PPP2R2C: variants seen among roughly 807,000 people sequenced by gnomAD.
PPP2R2C encodes protein phosphatase 2 regulatory subunit Bgamma.
Under a neutral mutation model 45.3 loss-of-function variants are expected in PPP2R2C, and 10 were observed. The ratio of observed to expected loss-of-function variants is 0.22; its 90% CI spans 0.14 to 0.37. The LOEUF is 0.37. PPP2R2C is among the 10% of genes least tolerant of loss of function. The probability of loss-of-function intolerance (pLI) is 1.00; values close to 1 mark genes in which losing one functional copy is unlikely to be tolerated. For missense variants in PPP2R2C, 308 were observed against 619.7 expected, an observed-to-expected ratio of 0.50 and a Z score of 5.34; for synonymous variants, 257 against 245.4, an observed-to-expected ratio of 1.05 and a Z score of -0.44.
chr4:6,560,409 G>C (rs1181967018), intron 1 of PPP2R2C, among the ~76,000 whole-genome samples: 2 of 152,246 alleles, frequency 1.3e-5, no homozygotes, highest in Admixed American at 6.5e-5. Context: ...TGGTGGGGTA[G>C]AGTGACCAAG....
chr4:6,472,629 C>A (rs1394611217), upstream of PPP2R2C, among the ~76,000 whole-genome samples: 2 of 147,112 alleles, frequency 1.4e-5, no homozygotes, highest in African/African-American at 4.9e-5. Flanking sequence ...GGGCTGGGGC[C>A]GCCGCCGCCG....
At chr4:6,440,183 A>G (rs1005408762) in intron 1 of PPP2R2C, among the ~76,000 whole-genome samples, 2 of 152,200 alleles carry the variant, frequency 1.3e-5, no homozygotes, top group Non-Finnish European at 2.9e-5. Flanking sequence ...CCATCTCTAG[A>G]TCCCCAAGGC....
intron 1 of PPP2R2C, among the ~76,000 whole-genome samples, chr4:6,431,529 GTC>G (rs1446972959): frequency 1.3e-5 from 2 of 152,176 alleles, no homozygotes; most frequent in African/African-American, 4.8e-5. Context: ...CCCCAGCCAC[GTC>G]TGTGTCCCCA....
chr4:6,379,585 T>A (rs1715619315), intron 2 of PPP2R2C, among the ~76,000 whole-genome samples: 1 of 152,210 alleles, frequency 6.6e-6, no homozygotes, highest in African/African-American at 2.4e-5. Flanking sequence ...GAAAATCGCA[T>A]CAACCAATCC....
chr4:6,480,523 A>T (rs1722314023), intron 2 of PPP2R2C, among the ~76,000 whole-genome samples: 3 of 152,348 alleles, frequency 2.0e-5, no homozygotes, highest in Admixed American at 6.5e-5. Context: ...ATTTACGAGC[A>T]TACCATTAAT....
At chr4:6,344,441 G>A (rs1444805016) in intron 6 of PPP2R2C, among the ~76,000 whole-genome samples, 2 of 152,142 alleles carry the variant, frequency 1.3e-5, no homozygotes, top group Non-Finnish European at 2.9e-5. Flanking sequence ...ATATGTGACC[G>A]CTGCTTCTGC....
chr4:6,521,978 C>T (rs1009028349), intron 2 of PPP2R2C, among the ~76,000 whole-genome samples: 2 of 152,166 alleles, frequency 1.3e-5, no homozygotes, highest in East Asian at 1.9e-4. Flanking sequence ...GGCAAGGGGG[C>T]CCCTAAGCCA....
At chr4:6,408,868 T>C (rs28550773) in intron 1 of PPP2R2C, among the ~76,000 whole-genome samples, 66,651 of 140,932 alleles carry the variant, frequency 0.47, 16,233 homozygotes, top group East Asian at 0.85. Context: ...TCAAGGATCC[T>C]GTGGCTTTTT....
At chr4:6,410,048 G>T (rs933066996) in intron 1 of PPP2R2C, among the ~76,000 whole-genome samples, 1 of 152,130 alleles carries the variant, frequency 6.6e-6, no homozygotes, top group Non-Finnish European at 1.5e-5. Flanking sequence ...TTAAGCAGAG[G>T]GGGCTCCAGC....
intron 1 of PPP2R2C, among the ~76,000 whole-genome samples, chr4:6,535,664 C>T (rs75789286): frequency 0.019 from 2,848 of 152,344 alleles, 83 homozygotes; most frequent in African/African-American, 0.064. Flanking sequence ...TCCCGTCTGT[C>T]GTTTGTCTTC....
intron 1 of PPP2R2C, chr4:6,381,814 G>A (rs1486277438): frequency 6.2e-7 from 1 of 1,613,806 alleles, no homozygotes; most frequent in African/African-American, 1.3e-5. Flanking sequence ...CTTCCTGGAT[G>A]GGCAAGTGTT....
chr4:6,438,207 A>G (rs1719984868), intron 1 of PPP2R2C, among the ~76,000 whole-genome samples: 1 of 152,266 alleles, frequency 6.6e-6, no homozygotes, highest in African/African-American at 2.4e-5. Flanking sequence ...TTGCCTTTGC[A>G]AAGTAGGTCG....
chr4:6,460,110 T>C (rs527759275), intron 1 of PPP2R2C, among the ~76,000 whole-genome samples: 1 of 152,304 alleles, frequency 6.6e-6, no homozygotes, highest in South Asian at 2.1e-4. Flanking sequence ...AGCATGTGAC[T>C]GATATTACCA....
intron 1 of PPP2R2C, among the ~76,000 whole-genome samples, chr4:6,403,364 C>G (rs568920554): frequency 1.4e-4 from 22 of 152,294 alleles, no homozygotes; most frequent in African/African-American, 4.8e-4. Context: ...TCTTCCTCCT[C>G]GCTTCCTGCC....
At position 6,347,491 on chromosome 4, in the gene PPP2R2C, G is replaced by A. The variant is rs184491124; in HGVS notation, c.790+355C>T. On this transcript the variant is annotated intron_variant, in intron 6 of 8. Transcript: ENST00000382599. ...AAGAGGGAAGCTTTGGGGGCTGCAG[G>A]GCCACAGAGGAGGATCCAGATCTAA... Among the ~76,000 whole-genome samples, 32 of 152,228 alleles carry A rather than the reference G, an allele frequency of 2.1e-4. No homozygotes were observed. The East Asian group carries it at 3.3e-3, about 16-fold the overall frequency.
intron 1 of PPP2R2C, among the ~76,000 whole-genome samples, chr4:6,460,328 T>C (rs1197678742): frequency 3.3e-5 from 5 of 152,166 alleles, no homozygotes; most frequent in Non-Finnish European, 5.9e-5. Context: ...GGAAAGACCA[T>C]GTGAAGACAC....
chr4:6,528,261 G>A (rs1395858571), intron 2 of PPP2R2C, among the ~76,000 whole-genome samples: 1 of 152,260 alleles, frequency 6.6e-6, no homozygotes, highest in African/African-American at 2.4e-5. Flanking sequence ...TGTGCGGGGA[G>A]CTGGGGTGAA....
intron 2 of PPP2R2C, among the ~76,000 whole-genome samples, chr4:6,517,556 T>G (rs1409280228): frequency 6.6e-6 from 1 of 152,174 alleles, no homozygotes; most frequent in Non-Finnish European, 1.5e-5. Flanking sequence ...TTTCCCCATT[T>G]TGCAAATGAA....
chr4:6,488,104 T>G (rs1722584412), intron 2 of PPP2R2C, among the ~76,000 whole-genome samples: 1 of 152,226 alleles, frequency 6.6e-6, no homozygotes, highest in Non-Finnish European at 1.5e-5. Context: ...ATGTTGATTG[T>G]ATGTCCAATC....
Sources: gnomAD v4.1 joint callset for allele counts (sites outside exome capture counted in the v4.1 genomes callset) on GRCh38, gnomAD v4.1.1 for gene constraint, MANE v1.5 for transcripts, NCBI Gene and HGNC (gene_info 2026-07-23, HGNC 2026-07-21) for gene names.